The following MYO3B variants were observed in gnomAD, a reference collection of about 807,000 sequenced individuals.
The protein encoded by MYO3B is myosin-IIIb.
Under a neutral mutation model 174.6 loss-of-function variants are expected in MYO3B, and 156 were observed. That is an observed-to-expected ratio of 0.89 (90% CI 0.78 to 1.02). MYO3B has a LOEUF of 1.02. MYO3B is among the 50% of genes least tolerant of loss of function. The pLI is 0.00. For synonymous variants in MYO3B, 563 were observed against 569.1 expected (o/e 0.99, Z 0.15); for missense variants, 1,632 against 1,639.4 (o/e 1.00, Z 0.08).
intron 6 of MYO3B, among the ~76,000 whole-genome samples, chr2:170,228,911 C>G (rs1432455045): frequency 6.7e-6 from 1 of 149,950 alleles, no homozygotes; most frequent in African/African-American, 2.5e-5. Flanking sequence ...AAAGACCATC[C>G]CCCTGCCAAA....
intron 32 of MYO3B, among the ~76,000 whole-genome samples, chr2:170,626,243 C>T (rs906815506): frequency 6.6e-6 from 1 of 151,484 alleles, no homozygotes; most frequent in Non-Finnish European, 1.5e-5. Context: ...TGCTCCTGTA[C>T]TGGGTGCATA....
chr2:170,393,987 C>T (rs1386908887), intron 16 of MYO3B, among the ~76,000 whole-genome samples: 2 of 152,108 alleles, frequency 1.3e-5, no homozygotes, highest in East Asian at 1.9e-4. Context: ...GTAGGAATGG[C>T]AGTGGAGCAA....
At chr2:170,378,695 CA>C (rs2094312625) in intron 9 of MYO3B, among the ~76,000 whole-genome samples, 1 of 152,118 alleles carries the variant, frequency 6.6e-6, no homozygotes, top group South Asian at 2.1e-4. Context: ...TGTGTATATT[CA>C]CACTGAAAAT....
intron 7 of MYO3B, among the ~76,000 whole-genome samples, chr2:170,282,163 C>G (rs1046384367): frequency 6.6e-6 from 1 of 152,146 alleles, no homozygotes; most frequent in Non-Finnish European, 1.5e-5. Flanking sequence ...GGGTTTTAGT[C>G]ATAAAATCTT....
intron 25 of MYO3B, among the ~76,000 whole-genome samples, chr2:170,489,088 C>G (rs1686260596): frequency 6.6e-6 from 1 of 152,200 alleles, no homozygotes; most frequent in Non-Finnish European, 1.5e-5. Flanking sequence ...ACAGGAAGAG[C>G]TAGGAAGGTT....
chr2:170,634,513 A>G (rs1255798470), intron 32 of MYO3B, among the ~76,000 whole-genome samples: 2 of 152,216 alleles, frequency 1.3e-5, no homozygotes, highest in Non-Finnish European at 2.9e-5. Flanking sequence ...AACCATAAAA[A>G]CTGTAGAAGA....
At chr2:170,450,603 A>G (rs1421193850) in intron 23 of MYO3B, among the ~76,000 whole-genome samples, 1 of 151,964 alleles carries the variant, frequency 6.6e-6, no homozygotes, top group African/African-American at 2.4e-5. Context: ...GGCAAACAAG[A>G]TTTGTTTTCA....
At chr2:170,414,059 A>G (rs1021141894) in intron 22 of MYO3B, among the ~76,000 whole-genome samples, 1 of 152,142 alleles carries the variant, frequency 6.6e-6, no homozygotes, top group African/African-American at 2.4e-5. Flanking sequence ...AATAAATAAA[A>G]TAACTATCCT....
chr2:170,345,597 T>A (rs1421086337), intron 8 of MYO3B, among the ~76,000 whole-genome samples: 1 of 152,046 alleles, frequency 6.6e-6, no homozygotes, highest in Non-Finnish European at 1.5e-5. Context: ...GGCCCAAAGC[T>A]TGAACCTTCA....
intron 28 of MYO3B, among the ~76,000 whole-genome samples, chr2:170,505,518 A>T (rs1047856039): frequency 1.3e-5 from 2 of 152,232 alleles, no homozygotes; most frequent in Non-Finnish European, 2.9e-5. Flanking sequence ...TTATATTTTT[A>T]AATTACCTTA....
intron 7 of MYO3B, among the ~76,000 whole-genome samples, chr2:170,302,218 T>G (rs915403270): frequency 2.6e-5 from 4 of 152,212 alleles, no homozygotes; most frequent in African/African-American, 7.2e-5. Context: ...ATTCTGTGAC[T>G]AAGATTCTTG....
At position 170,653,084 on chromosome 2, in the gene MYO3B, C is replaced by G. The variant is rs1179200173; in HGVS notation, c.3989C>G (p.Ser1330Cys). 1.9e-6 allele frequency: 3 copies of G among 1,613,950 alleles called. No individual in the cohort carries two copies. The Admixed American group carries it at 5.0e-5, about 27-fold the overall frequency. Residue 1330 changes from serine (S) to cysteine (C), a missense_variant, in exon 35 of 35, where the codon TCT becomes TGT. Ser to Cys is a moderately radical substitution (Grantham distance 112). Transcript: ENST00000408978. ...AACTCAGCCCACCCTTCCTTTTTTT[C>G]TTCATCCTCAAAAGGAGACTCTTTT... is the stretch of plus-strand genomic sequence containing the variant. ...ENNSAHPSFFSSSSKGDSFAQ... is the reference protein window; with the variant it reads ...ENNSAHPSFFCSSSKGDSFAQ...
intron 32 of MYO3B, chr2:170,602,007 TTC>T (rs1350642085): frequency 5.5e-6 from 5 of 904,466 alleles, no homozygotes; most frequent in Non-Finnish European, 9.3e-6. Flanking sequence ...AGGTTTTCAT[TTC>T]TCTTTCATAA....
At chr2:170,217,652 C>T (rs1186793317) in intron 6 of MYO3B, among the ~76,000 whole-genome samples, 1 of 152,146 alleles carries the variant, frequency 6.6e-6, no homozygotes, top group Non-Finnish European at 1.5e-5. Flanking sequence ...ATGCAGCCCC[C>T]TCCAAGGGCC....
chr2:170,232,060 C>A (rs2093021209), intron 6 of MYO3B, among the ~76,000 whole-genome samples: 1 of 152,288 alleles, frequency 6.6e-6, no homozygotes. Flanking sequence ...AACCTGGTCC[C>A]AAAGACGTGC....
At chr2:170,540,416 C>CA (rs1463522529) in intron 30 of MYO3B, among the ~76,000 whole-genome samples, 1 of 151,792 alleles carries the variant, frequency 6.6e-6, no homozygotes, top group Non-Finnish European at 1.5e-5. Flanking sequence ...TAAGCATTGG[C>CA]TTTTTTTTCT....
intron 24 of MYO3B, among the ~76,000 whole-genome samples, chr2:170,465,821 C>T (rs1446373776): frequency 3.9e-5 from 6 of 152,084 alleles, no homozygotes; most frequent in Non-Finnish European, 7.4e-5. Context: ...AACTGAGTTC[C>T]TTTGGCTTAT....
chr2:170,272,286 G>C (rs149875089), intron 7 of MYO3B, among the ~76,000 whole-genome samples: 1 of 152,048 alleles, frequency 6.6e-6, no homozygotes, highest in Admixed American at 6.5e-5. Context: ...TGCTTCTGAG[G>C]CTCACTCAAA....
intron 30 of MYO3B, chr2:170,519,876 G>T: frequency 4.8e-6 from 1 of 207,928 alleles, no homozygotes; most frequent in South Asian, 7.8e-5. Context: ...AGGAGGCTGA[G>T]GCAGGAGAAT....
Sources: allele counts gnomAD v4.1 joint callset (sites outside exome capture counted in the v4.1 genomes callset), GRCh38; gene constraint gnomAD v4.1.1; transcripts MANE v1.5; gene names NCBI Gene and HGNC (gene_info 2026-07-23, HGNC 2026-07-21).